Variants in IGFL4 observed in about 807,000 individuals in gnomAD.
IGFL4 encodes the protein insulin growth factor-like family member 4.
IGFL4 carries 12 observed loss-of-function variants against 15.4 expected under a neutral mutation model. That is an observed-to-expected ratio of 0.78 (90% confidence interval 0.50 to 1.26). The LOEUF (loss-of-function observed/expected upper bound fraction) is 1.26, where lower values mean the gene tolerates loss of function less well. IGFL4 is among the 50% of genes most tolerant of loss of function. IGFL4 has a pLI of 0.00. For missense variants in IGFL4, 126 were observed against 147.8 expected, an observed-to-expected ratio of 0.85 and a Z score of 0.76; for synonymous variants, 54 against 55.9, an observed-to-expected ratio of 0.97 and a Z score of 0.16.
chr19:46,061,528 A>G lies in IGFL4; in HGVS notation c.-431-1235T>C, dbSNP rs372669234. Among the ~76,000 whole-genome samples, 3 of 152,336 alleles carry G rather than the reference A, an allele frequency of 2.0e-5. No homozygotes were observed. The East Asian group carries it at 5.8e-4, about 29-fold the overall frequency. On this transcript the variant is annotated intron_variant, in intron 1 of 5. Transcript: ENST00000601672. ...CTGGCAGGGTGGAGCCTTTGGAGGAACAGGGCCAGGAAAGCATGCAGTTTC... is the reference window on the plus strand; with the variant it reads ...CTGGCAGGGTGGAGCCTTTGGAGGAGCAGGGCCAGGAAAGCATGCAGTTTC...
chr19:46,065,530 A>G (rs1318017492), intron 1 of IGFL4, among the ~76,000 whole-genome samples: 1 of 152,212 alleles, frequency 6.6e-6, no homozygotes, highest in Non-Finnish European at 1.5e-5. Flanking sequence ...GCTGGTCTCA[A>G]TCTCTTGACC....
chr19:46,069,754 G>A (rs1969527898), intron 1 of IGFL4, among the ~76,000 whole-genome samples: 1 of 152,156 alleles, frequency 6.6e-6, no homozygotes, highest in Admixed American at 6.5e-5. Context: ...AAATATTCTT[G>A]TATGTACATA....
intron 2 of IGFL4, among the ~76,000 whole-genome samples, chr19:46,052,700 C>T (rs1190190759): frequency 1.4e-5 from 2 of 144,252 alleles, no homozygotes; most frequent in African/African-American, 2.6e-5. Context: ...CCAGCCTGGG[C>T]GACAACAGTG....
chr19:46,075,857 A>G (rs1303242921), intron 1 of IGFL4, among the ~76,000 whole-genome samples: 1 of 152,044 alleles, frequency 6.6e-6, no homozygotes, highest in African/African-American at 2.4e-5. Context: ...TCTTCTCCCC[A>G]CTTATTTATT....
chr19:46,060,234 T>A (rs2146522461), exon 2 of IGFL4: 2 of 152,260 alleles, frequency 1.3e-5, no homozygotes, highest in South Asian at 4.1e-4. Flanking sequence ...ACAAATATGC[T>A]CCAAATTTTG....
upstream of IGFL4, among the ~76,000 whole-genome samples, chr19:46,043,636 A>C (rs1969269089): frequency 6.6e-6 from 1 of 152,330 alleles, no homozygotes; most frequent in Admixed American, 6.5e-5. Flanking sequence ...AAATAAACCC[A>C]AACAAACATG....
In IGFL4 at chr19:46,071,183, A is replaced by G. The variant is rs576216539; in HGVS notation, c.-432+5837T>C. Among the ~76,000 whole-genome samples, 7 of 151,410 alleles carry G rather than the reference A, an allele frequency of 4.6e-5. No individual in the cohort carries two copies. The East Asian group carries it at 9.7e-4, about 21-fold the overall frequency. ...CTGCCTATGTGTATCAGCTCAGCCA[A>G]CCTCCTCAATGTGCTTTCCCTCACG... On this transcript the variant is annotated intron_variant, in intron 1 of 5. Coordinates refer to the IGFL4 transcript ENST00000601672.
chr19:46,051,527 G>A (rs747818679), intron 2 of IGFL4, among the ~76,000 whole-genome samples: 2 of 152,056 alleles, frequency 1.3e-5, no homozygotes, highest in African/African-American at 2.4e-5. Flanking sequence ...CCTGGGTGAC[G>A]GAGTGAGACT....
intron 2 of IGFL4, among the ~76,000 whole-genome samples, chr19:46,046,599 G>T (rs1319474742): frequency 2.6e-5 from 4 of 152,072 alleles, no homozygotes; most frequent in Admixed American, 2.6e-4. Context: ...AAAAAGCATG[G>T]GTTGCAACCC....
At chr19:46,073,058 G>A (rs966890083) in intron 1 of IGFL4, among the ~76,000 whole-genome samples, 3 of 152,312 alleles carry the variant, frequency 2.0e-5, no homozygotes, top group South Asian at 4.1e-4. Flanking sequence ...AAGTGGACAG[G>A]AGGGGACTAC....
intron 1 of IGFL4, among the ~76,000 whole-genome samples, chr19:46,076,208 T>A (rs1306150690): frequency 6.6e-6 from 1 of 152,218 alleles, no homozygotes; most frequent in African/African-American, 2.4e-5. Context: ...TCATCTCCTA[T>A]AAACCTACCT....
upstream of IGFL4, among the ~76,000 whole-genome samples, chr19:46,043,316 G>A (rs1479160872): frequency 2.6e-5 from 4 of 152,126 alleles, no homozygotes; most frequent in African/African-American, 9.7e-5. Flanking sequence ...ATATAGAGTG[G>A]TATATCATGT....
intron 2 of IGFL4, among the ~76,000 whole-genome samples, chr19:46,052,525 G>A (rs1969354591): frequency 6.6e-6 from 1 of 151,840 alleles, no homozygotes. Flanking sequence ...AAAAAAGTCT[G>A]AGCCTGGCCA....
intron 2 of IGFL4, among the ~76,000 whole-genome samples, chr19:46,052,224 A>G (rs192155893): frequency 1.3e-5 from 2 of 152,382 alleles, no homozygotes; most frequent in East Asian, 3.9e-4. Context: ...AGCTTAGACC[A>G]TAAGATAGGC....
At chr19:46,049,421 AG>A (rs1164531455) in intron 2 of IGFL4, among the ~76,000 whole-genome samples, 1 of 152,136 alleles carries the variant, frequency 6.6e-6, no homozygotes, top group Non-Finnish European at 1.5e-5. Flanking sequence ...TGGTGCTGTT[AG>A]GGGGGCATAG....
intron 2 of IGFL4, chr19:46,059,820 C>A (rs1456738786): frequency 6.6e-6 from 1 of 152,130 alleles, no homozygotes; most frequent in Non-Finnish European, 1.5e-5. Context: ...TCAGATAAGA[C>A]TTTTTAAAAG....
chr19:46,045,478 C>T (rs1969290233), upstream of IGFL4, among the ~76,000 whole-genome samples: 1 of 148,466 alleles, frequency 6.7e-6, no homozygotes, highest in South Asian at 2.1e-4. Context: ...TAATAATGAA[C>T]TTCACTGAGC....
Position 46,040,994 on chromosome 19 carries a change from C to A in IGFL4, c.-32G>T. On this transcript the variant is annotated 5_prime_UTR_variant, in exon 1 of 4. Coordinates refer to ENST00000377697, the MANE Select transcript of IGFL4 (RefSeq NM_001002923.3). The surrounding 1 kb of genome is among the most constrained non-coding windows in gnomAD (Gnocchi z 4.1). ...GGCTTCAGAGCAGCGGACGAGGGAGCAGCAGTGGAAATGGGTCAGTGACTT... is the reference window on the plus strand; with the variant it reads ...GGCTTCAGAGCAGCGGACGAGGGAGAAGCAGTGGAAATGGGTCAGTGACTT... 6.4e-7 allele frequency: 1 copy of A among 1,565,684 alleles called. No individual in the cohort carries two copies. The highest frequency in any genetic ancestry group is 8.6e-7 in the Non-Finnish European group (1 of 1,160,002).
chr19:46,067,448 G>A (rs1299754715), intron 1 of IGFL4, among the ~76,000 whole-genome samples: 1 of 152,038 alleles, frequency 6.6e-6, no homozygotes, highest in Non-Finnish European at 1.5e-5. Flanking sequence ...CAGCTCCCAG[G>A]AATAGTGCCC....
Sources: allele counts gnomAD v4.1 joint callset (sites outside exome capture counted in the v4.1 genomes callset), GRCh38; gene constraint gnomAD v4.1.1; non-coding constraint Gnocchi (gnomAD v3.1); transcripts MANE v1.5; gene names NCBI Gene and HGNC (gene_info 2026-07-23, HGNC 2026-07-21).